RIT2: variants seen among roughly 807,000 people sequenced by gnomAD.
RIT2 encodes GTP-binding protein Rit2.
Under a neutral mutation model 23.7 loss-of-function variants are expected in RIT2, and 24 were observed. The observed-to-expected ratio is 1.01, with a 90% CI of 0.73 to 1.43. RIT2 has a LOEUF of 1.43. Among genes scored for constraint, RIT2 ranks in the 40% most tolerant of loss-of-function variants. RIT2 has a pLI of 0.00. For synonymous variants in RIT2, 107 were observed against 91.1 expected, an observed-to-expected ratio of 1.17 and a Z score of -0.99; for missense variants, 236 against 266.9, an observed-to-expected ratio of 0.88 and a Z score of 0.81.
intron 4 of RIT2, among the ~76,000 whole-genome samples, chr18:42,777,494 G>A (rs578052986): frequency 6.6e-6 from 1 of 152,022 alleles, no homozygotes; most frequent in Non-Finnish European, 1.5e-5. Flanking sequence ...AATAACCGGG[G>A]AAATGTGGAA....
chr18:43,034,490 T>C (rs1911931121), intron 1 of RIT2, among the ~76,000 whole-genome samples: 1 of 152,172 alleles, frequency 6.6e-6, no homozygotes, highest in African/African-American at 2.4e-5. Context: ...TTGTAATATT[T>C]CTATTGTAAA....
intron 4 of RIT2, among the ~76,000 whole-genome samples, chr18:42,836,533 C>A (rs929987717): frequency 7.2e-5 from 11 of 152,130 alleles, no homozygotes; most frequent in Admixed American, 3.3e-4. Context: ...TCTACTTCTT[C>A]AGAGCTTTAT....
chr18:42,810,304 C>T (rs1355308509), intron 4 of RIT2, among the ~76,000 whole-genome samples: 2 of 151,560 alleles, frequency 1.3e-5, no homozygotes, highest in African/African-American at 4.8e-5. Context: ...TCATTGCTTG[C>T]CTTTATAGTA....
rs57180222 is a variant in RIT2, at chr18:42,768,469, G to T, written c.427-24749C>A. ...TATGATGCCTGAGAGTTCAGTGGAGGTTAGCCTAATTAGTTACCAGGGTGA... is the reference window on the plus strand; with the variant it reads ...TATGATGCCTGAGAGTTCAGTGGAGTTTAGCCTAATTAGTTACCAGGGTGA... On this transcript the variant is annotated intron_variant, in intron 4 of 4. Coordinates refer to ENST00000326695, the MANE Select transcript of RIT2 (RefSeq NM_002930.4). Among the ~76,000 whole-genome samples, 40 of 152,272 alleles carry T rather than the reference G, an allele frequency of 2.6e-4. No homozygotes were observed. In the East Asian group the frequency reaches 6.4e-3, roughly 24 times the overall value.
Position 42,953,362 on chromosome 18 carries a change from GA to G in RIT2, c.234+20711del, listed in dbSNP as rs547146578. ...ATACCAAGAATCAATGATTAGAAAG[GA>G]AAGATACTTGATGGAAAAAATGAGC... On this transcript the variant is annotated intron_variant, in intron 3 of 4. Transcript: ENST00000326695. 3.5e-3 allele frequency among the ~76,000 whole-genome samples: 531 copies of G among 152,154 alleles called. 2 individuals are homozygous for G. The highest frequency in any genetic ancestry group is 0.012 in the African/African-American group (503 of 41,534).
intron 2 of RIT2, among the ~76,000 whole-genome samples, chr18:42,979,108 T>C (rs1910537694): frequency 6.6e-6 from 1 of 152,154 alleles, no homozygotes; most frequent in South Asian, 2.1e-4. Context: ...CATAAACTTT[T>C]TGGCAAGATA....
chr18:42,859,868 C>A (rs2144047919), intron 4 of RIT2, among the ~76,000 whole-genome samples: 1 of 151,726 alleles, frequency 6.6e-6, no homozygotes, highest in East Asian at 1.9e-4. Flanking sequence ...CTTCCAGGTT[C>A]AAGAGATTCT....
chr18:42,785,939 C>G (rs1306208415), intron 4 of RIT2, among the ~76,000 whole-genome samples: 2 of 152,118 alleles, frequency 1.3e-5, no homozygotes, highest in African/African-American at 4.8e-5. Context: ...AAATACCTTT[C>G]TTAAATTGAA....
chr18:43,076,182 T>C (rs780332911), intron 1 of RIT2, among the ~76,000 whole-genome samples: 6 of 152,188 alleles, frequency 3.9e-5, no homozygotes, highest in Non-Finnish European at 8.8e-5. Flanking sequence ...ATTTATTTCT[T>C]CTAGAAAGCT....
chr18:42,840,580 C>T (rs542406673), intron 4 of RIT2, among the ~76,000 whole-genome samples: 23 of 152,286 alleles, frequency 1.5e-4, no homozygotes, highest in African/African-American at 4.6e-4. Flanking sequence ...CGGCTCACTG[C>T]ATCCTCTGCC....
At chr18:42,902,717 T>G (rs1361541993) in intron 4 of RIT2, among the ~76,000 whole-genome samples, 1 of 151,442 alleles carries the variant, frequency 6.6e-6, no homozygotes, top group Non-Finnish European at 1.5e-5. Context: ...GTTAACTTAA[T>G]AGAAATATAA....
Position 43,097,834 on chromosome 18 carries a change from T to C in RIT2, c.103+17583A>G, listed in dbSNP as rs563568762. Among the ~76,000 whole-genome samples the C allele has an allele frequency of 3.1e-4, 47 of 152,032 alleles. No homozygotes were observed. In the South Asian group the frequency reaches 9.3e-3, roughly 30 times the overall value. On this transcript the variant is annotated intron_variant, in intron 1 of 4. Transcript: ENST00000326695. ...AGTGAACTTGCCGTTACATAAATCA[T>C]AACCAAAGTCCTGTCCTTTGGAAGA...
At chr18:42,882,654 T>A (rs1907924672) in intron 4 of RIT2, among the ~76,000 whole-genome samples, 1 of 152,138 alleles carries the variant, frequency 6.6e-6, no homozygotes, top group Non-Finnish European at 1.5e-5. Flanking sequence ...ACTTTTTAAG[T>A]GGTTTGATAT....
chr18:43,047,306 T>C (rs1912272142), intron 1 of RIT2, among the ~76,000 whole-genome samples: 1 of 152,162 alleles, frequency 6.6e-6, no homozygotes, highest in East Asian at 1.9e-4. Flanking sequence ...TCTCCCTTTC[T>C]AGAACTTGCT....
intron 4 of RIT2, among the ~76,000 whole-genome samples, chr18:42,806,153 T>C (rs1250043867): frequency 6.7e-6 from 1 of 148,744 alleles, no homozygotes; most frequent in East Asian, 2.0e-4. Flanking sequence ...TTAAAAGCAT[T>C]CTTAAATTAA....
intron 4 of RIT2, among the ~76,000 whole-genome samples, chr18:42,875,560 C>A (rs1007497209): frequency 1.1e-4 from 16 of 151,930 alleles, no homozygotes; most frequent in Non-Finnish European, 2.2e-4. Context: ...GCCAGGTCTG[C>A]CCTCCTTATT....
intron 4 of RIT2, among the ~76,000 whole-genome samples, chr18:42,900,316 G>A (rs1908441577): frequency 6.6e-6 from 1 of 151,940 alleles, no homozygotes; most frequent in Admixed American, 6.6e-5. Flanking sequence ...TGTCTCTGGG[G>A]CTTTTCAGAA....
intron 1 of RIT2, among the ~76,000 whole-genome samples, chr18:43,048,966 C>T (rs982254546): frequency 6.6e-6 from 1 of 152,070 alleles, no homozygotes; most frequent in Non-Finnish European, 1.5e-5. Flanking sequence ...TTGTTTCAAC[C>T]ACATGTTAGA....
At chr18:42,852,532 T>C (rs1431624432) in intron 4 of RIT2, among the ~76,000 whole-genome samples, 1 of 152,164 alleles carries the variant, frequency 6.6e-6, no homozygotes, top group Non-Finnish European at 1.5e-5. Context: ...TTTCACCATT[T>C]ATTTGTTACT....
Sources: gnomAD v4.1 joint callset for allele counts (sites outside exome capture counted in the v4.1 genomes callset) on GRCh38, gnomAD v4.1.1 for gene constraint, MANE v1.5 for transcripts, NCBI Gene and HGNC (gene_info 2026-07-23, HGNC 2026-07-21) for gene names.